Variants in TMEM47 observed in about 807,000 individuals in gnomAD.
TMEM47 encodes brain cell membrane protein 1.
TMEM47 carries 3 observed loss-of-function variants against 12.4 expected under a neutral mutation model. The observed-to-expected ratio is 0.24, with a 90% CI of 0.11 to 0.63. The LOEUF is 0.63. TMEM47 is among the 20% of genes least tolerant of loss of function. The probability of loss-of-function intolerance (pLI) is 0.86; values close to 1 mark genes in which losing one functional copy is unlikely to be tolerated. For missense variants in TMEM47, 89 were observed against 143.8 expected (o/e 0.62, Z 1.95); for synonymous variants, 62 against 63.3 (o/e 0.98, Z 0.10).
intron 1 of TMEM47, among the ~76,000 whole-genome samples, chrX:34,651,875 A>T (rs2056620443): frequency 8.9e-6 from 1 of 112,424 alleles, no homozygotes; most frequent in African/African-American, 3.2e-5. Flanking sequence ...TGAAATTGAC[A>T]AAGTACTTCA....
chrX:34,656,712 G>A, intron 1 of TMEM47, 92 bp downstream of exon 1: 1 of 1,119,725 alleles, frequency 8.9e-7, no homozygotes, highest in Non-Finnish European at 1.2e-6. Flanking sequence ...CAGAGGATGC[G>A]GGGACGTGGG....
rs190253477 is a variant in TMEM47, at chrX:34,650,807, T to G, written c.226+5997A>C. Among the ~76,000 whole-genome samples, 249 of 112,230 alleles carry G rather than the reference T, an allele frequency of 2.2e-3. 1 individual carries two copies. The highest frequency in any genetic ancestry group is 7.8e-3 in the African/African-American group (240 of 30,927). ...GATTTTGGAAGGTTTTACATGTATC[T>G]CTCTGTTTGTGGAAAAGTTAGGTTC... On this transcript the variant is annotated intron_variant, in intron 1 of 2. Transcript: ENST00000275954.
chrX:34,641,767 T>C (rs1921821343), intron 1 of TMEM47, among the ~76,000 whole-genome samples: 1 of 112,745 alleles, frequency 8.9e-6, no homozygotes, highest in African/African-American at 3.2e-5. Context: ...TTATGATTTA[T>C]GGTCTCTGTT....
intron 2 of TMEM47, among the ~76,000 whole-genome samples, chrX:34,634,832 A>G (rs6527365): frequency 0.32 from 35,176 of 111,175 alleles, 4,196 homozygotes; most frequent in East Asian, 0.65. Context: ...AGAGAGTATG[A>G]CTAGAAGCAA....
In TMEM47 at chrX:34,630,098, C is replaced by T. The variant is rs188063566; in HGVS notation, c.*215G>A. 3 of 338,493 alleles carry T rather than the reference C, an allele frequency of 8.9e-6. No individual in the cohort carries two copies. The East Asian group carries it at 1.3e-4, about 14-fold the overall frequency. The allele number at this position is 338,493 out of a possible 1,213,427, so 27.9% of individuals were successfully genotyped here. A position where few individuals can be genotyped will look rare whatever the true frequency, so the allele number is the denominator to read the frequency against. Reference sequence around the variant, plus strand: ...CATATTGGAAGTTTGCAGCATTTGCCTATGTCTAATCAGCTCTCTTAATTT... The same window carrying T: ...CATATTGGAAGTTTGCAGCATTTGCTTATGTCTAATCAGCTCTCTTAATTT... On this transcript the variant is annotated 3_prime_UTR_variant, in exon 3 of 3. Coordinates refer to ENST00000275954, the MANE Select transcript of TMEM47 (RefSeq NM_031442.4).
At chrX:34,639,789 T>G (rs776317140) in intron 1 of TMEM47, among the ~76,000 whole-genome samples, 1 of 111,644 alleles carries the variant, frequency 9.0e-6, no homozygotes, top group African/African-American at 3.3e-5. Context: ...ACCATCCAGA[T>G]TAAAATACAG....
At chrX:34,647,595 A>T (rs1172441117) in intron 1 of TMEM47, among the ~76,000 whole-genome samples, 1 of 111,508 alleles carries the variant, frequency 9.0e-6, no homozygotes, top group Non-Finnish European at 1.9e-5. Flanking sequence ...AGTGTACCCA[A>T]ATCACACACA....
chrX:34,641,228 C>A (rs1013943876), intron 1 of TMEM47, among the ~76,000 whole-genome samples: 1 of 110,624 alleles, frequency 9.0e-6, no homozygotes, highest in Admixed American at 9.6e-5. Context: ...ATTGAAATTT[C>A]TGAATTAAAA....
Position 34,656,946 on chromosome X carries a change from G to C in TMEM47, c.84C>G (p.Phe28Leu), listed in dbSNP as rs780884117. 1.7e-6 allele frequency: 2 copies of C among 1,188,852 alleles called. No homozygotes were observed. The highest frequency in any genetic ancestry group is 2.3e-6 in the Non-Finnish European group (2 of 884,109). ...PLKLVGLVCIFLALCLDLGAV... is the reference protein window; with the variant it reads ...PLKLVGLVCILLALCLDLGAV... ...CCCCCAGGTCCAGACACAGCGCCAG[G>C]AAGATGCACACCAGCCCGACCAGCT... Residue 28 changes from phenylalanine to leucine, a missense_variant, in exon 1 of 3, where the codon TTC (phenylalanine) becomes TTG (leucine). Phe to Leu is a conservative substitution (Grantham distance 22). Transcript: ENST00000275954.
At chrX:34,630,896 G>A (rs1601963675) in intron 2 of TMEM47, among the ~76,000 whole-genome samples, 1 of 109,365 alleles carries the variant, frequency 9.1e-6, no homozygotes, top group East Asian at 2.9e-4. Flanking sequence ...ACCCCAGCCA[G>A]GTGCGGTGGC....
chrX:34,646,187 T>G (rs1360061793), intron 1 of TMEM47, among the ~76,000 whole-genome samples: 2 of 111,312 alleles, frequency 1.8e-5, no homozygotes, highest in Non-Finnish European at 3.8e-5. Flanking sequence ...AGTTGTTTTA[T>G]GTTGATGTTA....
In TMEM47 at chrX:34,639,325, G is replaced by C. The variant is rs1162934064; in HGVS notation, c.289C>G (p.Leu97Val). The change falls in exon 2 of 3, where the codon CTG (leucine) becomes GTG (valine). Residue 97 changes from leucine to valine, a missense_variant. Physicochemically the swap from Leu to Val is conservative, Grantham distance 32. Coordinates refer to ENST00000275954, the MANE Select transcript of TMEM47 (RefSeq NM_031442.4). ...GGAAIILIAFLVGLISICVGS... is the reference protein window; with the variant it reads ...GGAAIILIAFVVGLISICVGS... ...ACGCAGATAGAAATCAAACCCACCA[G>C]GAATGCAATGAGAATGATGGCAGCG... The C allele has an allele frequency of 8.3e-7, 1 of 1,208,118 alleles. No homozygotes were observed. Among genetic ancestry groups the C allele is most frequent in the African/African-American group, 1.7e-5 (1 of 57,574 alleles).
Position 34,657,263 on chromosome X carries a change from C to A in TMEM47, c.-234G>T, listed in dbSNP as rs1264959658. On this transcript the variant is annotated 5_prime_UTR_variant, in exon 1 of 3. Transcript: ENST00000275954. ...ACGTCGATTCCACCCCGGACCTTCG[C>A]CGCCGGCCCCGCGCCGCGCTCTGCC... 1.6e-5 allele frequency: 5 copies of A among 313,368 alleles called. No homozygotes were observed. In the East Asian group the frequency reaches 3.5e-4, roughly 22 times the overall value. 25.8% of individuals were successfully genotyped at this position (313,368 alleles called of 1,213,427 possible). A position where few individuals can be genotyped will look rare whatever the true frequency, so the allele number is the denominator to read the frequency against.
intron 2 of TMEM47, among the ~76,000 whole-genome samples, chrX:34,638,670 A>G (rs1921761737): frequency 8.9e-6 from 1 of 112,146 alleles, no homozygotes; most frequent in Non-Finnish European, 1.9e-5. Context: ...TTAGTCTGCA[A>G]GCCCCTTTTC....
Position 34,628,157 on chromosome X carries a change from G to C in TMEM47, c.*2156C>G, listed in dbSNP as rs1349511092. 1 of 111,437 alleles carries C rather than the reference G, an allele frequency of 9.0e-6. No homozygotes were observed. The highest frequency in any genetic ancestry group is 3.3e-5 in the African/African-American group (1 of 30,592). The allele number at this position is 111,437 out of a possible 1,213,427, so 9.2% of individuals were successfully genotyped here. A position where few individuals can be genotyped will look rare whatever the true frequency, so the allele number is the denominator to read the frequency against. Reference sequence around the variant, plus strand: ...CTAGGACCAAGAGAAGTGCCTCATTGGTGTCAGCACCAAAGTACTATTCTT... The same window carrying C: ...CTAGGACCAAGAGAAGTGCCTCATTCGTGTCAGCACCAAAGTACTATTCTT... On this transcript the variant is annotated 3_prime_UTR_variant, in exon 3 of 3. Coordinates refer to ENST00000275954, the MANE Select transcript of TMEM47 (RefSeq NM_031442.4).
At chrX:34,641,951 G>C (rs941163350) in intron 1 of TMEM47, among the ~76,000 whole-genome samples, 3 of 112,307 alleles carry the variant, frequency 2.7e-5, no homozygotes, top group Non-Finnish European at 5.6e-5. Flanking sequence ...CCGTCTCCCG[G>C]GTTCAAGTGA....
chrX:34,649,882 C>T (rs1240519689), intron 1 of TMEM47, among the ~76,000 whole-genome samples: 1 of 110,323 alleles, frequency 9.1e-6, no homozygotes, highest in Non-Finnish European at 1.9e-5. Context: ...CCCGCAACCA[C>T]GTCCAGCCAA....
chrX:34,639,420 T>C (rs1921775389), intron 1 of TMEM47, 33 bp from the exon 2 acceptor site: 5 of 1,183,961 alleles, frequency 4.2e-6, no homozygotes, highest in Non-Finnish European at 5.7e-6. Context: ...TTTTGAGTAG[T>C]AAGTCCTCAA....
At position 34,630,224 on chromosome X, in the gene TMEM47, G is replaced by T; in HGVS notation, c.*89C>A. 1 of 948,671 alleles carries T rather than the reference G, an allele frequency of 1.1e-6. No individual in the cohort carries two copies. Among genetic ancestry groups the T allele is most frequent in the Non-Finnish European group, 1.4e-6 (1 of 703,711 alleles). 78.2% of individuals were successfully genotyped at this position (948,671 alleles called of 1,213,427 possible). A position where few individuals can be genotyped will look rare whatever the true frequency, so the allele number is the denominator to read the frequency against. The stretch of plus-strand genomic sequence containing the variant: ...GAGCAAACTGCTTGATGCTCCACAA[G>T]TGTTTTAGAAAATAGTAAGTTAGAA... On this transcript the variant is annotated 3_prime_UTR_variant, in exon 3 of 3. Coordinates refer to ENST00000275954, the MANE Select transcript of TMEM47 (RefSeq NM_031442.4).
Sources: gnomAD v4.1 joint callset for allele counts (sites outside exome capture counted in the v4.1 genomes callset) on GRCh38, gnomAD v4.1.1 for gene constraint, MANE v1.5 for transcripts, NCBI Gene and HGNC (gene_info 2026-07-23, HGNC 2026-07-21) for gene names.